VPS4B: variants seen among roughly 807,000 people sequenced by gnomAD.
The protein encoded by VPS4B is vacuolar protein sorting 4 homolog B.
A neutral mutation model predicts 56.1 loss-of-function variants in VPS4B; 23 were observed. That is an observed-to-expected ratio of 0.41 (90% CI 0.30 to 0.58). VPS4B has a LOEUF of 0.58. Ranked by LOEUF, VPS4B falls within the 20% of genes least tolerant of loss-of-function variation. The probability of loss-of-function intolerance (pLI) is 0.29; values close to 1 mark genes in which losing one functional copy is unlikely to be tolerated. For missense variants in VPS4B, 372 were observed against 531.9 expected (o/e 0.70, Z 2.96); for synonymous variants, 177 against 186.0 (o/e 0.95, Z 0.39).
chr18:63,420,447 AAAC>A (rs774177567), intron 1 of VPS4B, among the ~76,000 whole-genome samples: 11 of 152,062 alleles, frequency 7.2e-5, no homozygotes, highest in South Asian at 2.1e-4. Flanking sequence ...GACTGTCTCA[AAAC>A]AACAACAACA....
rs1440840356 is a variant in VPS4B at position 63,389,242 on chromosome 18, A to G, written c.*1733T>C. On this transcript the variant is annotated 3_prime_UTR_variant, in exon 11 of 11. Transcript: ENST00000238497. ...TGATTTCTTTGTATCTAACCAATTT[A>G]GGTAATATTTTCTTTTACACAGAAG... is the stretch of plus-strand genomic sequence containing the variant. 4 of 152,258 alleles carry G rather than the reference A, an allele frequency of 2.6e-5. No homozygotes were observed. Among genetic ancestry groups the G allele is most frequent in the African/African-American group, 7.2e-5 (3 of 41,466 alleles). 9.4% of individuals were successfully genotyped at this position (152,258 alleles called of 1,614,324 possible).
At chr18:63,395,019 T>A (rs1457908688) in intron 9 of VPS4B, among the ~76,000 whole-genome samples, 3 of 152,214 alleles carry the variant, frequency 2.0e-5, no homozygotes, top group African/African-American at 7.2e-5. Flanking sequence ...ACAGGGAATC[T>A]TCTTCTTGTT....
At position 63,403,701 on chromosome 18, in the gene VPS4B, T is replaced by G; in HGVS notation, c.484+6A>C. On this transcript the variant is annotated splice_donor_region_variant and intron_variant, in intron 5 of 10. Coordinates refer to ENST00000238497, the MANE Select transcript of VPS4B (RefSeq NM_004869.4). ...ATGAAATAAAATTATTTAAAAGTTATGTCACCTGTAAAAAGATGAGGAAAT... is the reference window on the plus strand; with the variant it reads ...ATGAAATAAAATTATTTAAAAGTTAGGTCACCTGTAAAAAGATGAGGAAAT... The G allele has an allele frequency of 6.3e-7, 1 of 1,599,288 alleles. No individual in the cohort carries two copies. Among genetic ancestry groups the G allele is most frequent in the Non-Finnish European group, 8.5e-7 (1 of 1,173,988 alleles).
chr18:63,413,691 G>C (rs547714901), intron 1 of VPS4B, among the ~76,000 whole-genome samples: 1 of 152,192 alleles, frequency 6.6e-6, no homozygotes, highest in East Asian at 1.9e-4. Context: ...AGTTGTTAGA[G>C]ATATTAAAAA....
chr18:63,412,091 C>G (rs1916057360), intron 1 of VPS4B, among the ~76,000 whole-genome samples: 1 of 152,116 alleles, frequency 6.6e-6, no homozygotes, highest in African/African-American at 2.4e-5. Context: ...CAGTAATTAA[C>G]TAAAAGGTTT....
Position 63,390,988 on chromosome 18 carries a change from C to A in VPS4B, c.1322G>T (p.Gly441Val). ...CTTGTCTTTGGCTTAGCCTTCTTGA[C>A]CAAAATCTTCTGTAAACTTCTTTAA... is the stretch of plus-strand genomic sequence containing the variant. ...LKLKKFTEDF[G>V]QEG The change falls in exon 11 of 11, where the codon GGT (glycine) becomes GTT (valine). Residue 441 changes from glycine (G) to valine (V), a missense_variant. Around this residue, in one of 3 missense-constraint regions of VPS4B, gnomAD observed 153 missense variants for 190.9 expected, o/e 0.80. Coordinates refer to ENST00000238497, the MANE Select transcript of VPS4B (RefSeq NM_004869.4). 6.2e-7 allele frequency: 1 copy of A among 1,611,816 alleles called. No individual in the cohort carries two copies. The highest frequency in any genetic ancestry group is 8.5e-7 in the Non-Finnish European group (1 of 1,178,396).
At chr18:63,415,227 C>T (rs1014555095) in intron 1 of VPS4B, 1 of 152,216 alleles carries the variant, frequency 6.6e-6, no homozygotes, top group Non-Finnish European at 1.5e-5. Context: ...TTAACCATGT[C>T]TTCTATGGTT....
chr18:63,421,037 C>CAAAAAAAAA (rs36083080), intron 1 of VPS4B, among the ~76,000 whole-genome samples: 1 of 52,030 alleles, frequency 1.9e-5, no homozygotes, highest in Non-Finnish European at 4.0e-5. Context: ...GACTCCGTCT[C>CAAAAAAAAA]AAAAAAAAAA....
intron 3 of VPS4B, 53 bp from the exon 4 acceptor site, chr18:63,407,552 G>T: frequency 1.4e-6 from 2 of 1,396,126 alleles, no homozygotes; most frequent in Admixed American, 2.3e-5. Context: ...TATCAAATAA[G>T]GCAAAAATGA....
At position 63,390,618 on chromosome 18, in the gene VPS4B, C is replaced by A. The variant is rs1031491601; in HGVS notation, c.*357G>T. Reference sequence around the variant, plus strand: ...TGAAAATATAAAATAAACCCTATATCATTTTAGTAAAAAAAAAAGAAAATA... The same window carrying A: ...TGAAAATATAAAATAAACCCTATATAATTTTAGTAAAAAAAAAAGAAAATA... On this transcript the variant is annotated 3_prime_UTR_variant, in exon 11 of 11. Transcript: ENST00000238497. The A allele has an allele frequency of 6.5e-6, 1 of 153,990 alleles. No homozygotes were observed. Among genetic ancestry groups the A allele is most frequent in the African/African-American group, 2.4e-5 (1 of 40,880 alleles). The allele number at this position is 153,990 out of a possible 1,614,324, so 9.5% of individuals were successfully genotyped here. A position where few individuals can be genotyped will look rare whatever the true frequency, so the allele number is the denominator to read the frequency against.
intron 1 of VPS4B, among the ~76,000 whole-genome samples, chr18:63,419,061 T>A (rs991142547): frequency 2.0e-5 from 3 of 152,170 alleles, no homozygotes; most frequent in African/African-American, 7.2e-5. Context: ...CTACCTGAGT[T>A]GGGTACTCAG....
chr18:63,407,575 C>A, intron 3 of VPS4B, 76 bp from the exon 4 acceptor site: 2 of 1,172,358 alleles, frequency 1.7e-6, no homozygotes, highest in Non-Finnish European at 2.4e-6. Flanking sequence ...GAAAAATTAA[C>A]CTGAAATATT....
rs1457947892 is a variant in VPS4B, at chr18:63,390,222, C to T, written c.*753G>A. 4 of 152,222 alleles carry T rather than the reference C, an allele frequency of 2.6e-5. No homozygotes were observed. Among genetic ancestry groups the T allele is most frequent in the African/African-American group, 4.8e-5 (2 of 41,384 alleles). 9.4% of individuals were successfully genotyped at this position (152,222 alleles called of 1,614,324 possible). On this transcript the variant is annotated 3_prime_UTR_variant, in exon 11 of 11. Transcript: ENST00000238497. ...CTGAGTAGCTGGGATTACAGACACT[C>T]GCCATCATGCCCAGCTAATTTTTGT...
At chr18:63,417,670 GT>G (rs200995526) in intron 1 of VPS4B, among the ~76,000 whole-genome samples, 2 of 150,496 alleles carry the variant, frequency 1.3e-5, no homozygotes, top group East Asian at 1.9e-4. Context: ...TGTTTTTTTT[GT>G]TTTTTTTTAA....
At chr18:63,422,182 G>A (rs368070460) in intron 1 of VPS4B, 51 bp downstream of exon 1, 10 of 1,430,774 alleles carry the variant, frequency 7.0e-6, no homozygotes, top group Middle Eastern at 1.8e-4. Context: ...CGCTTCTCGC[G>A]CCTCCCCTCG....
At position 63,410,409 on chromosome 18, in the gene VPS4B, C is replaced by T. The variant is rs1916013874; in HGVS notation, c.177G>A (p.Arg59=). 2 of 1,613,644 alleles carry T rather than the reference C, an allele frequency of 1.2e-6. No individual in the cohort carries two copies. The highest frequency in any genetic ancestry group is 1.1e-5 in the South Asian group (1 of 91,072). The change falls in exon 3 of 11, where the codon AGG becomes AGA. Residue 59 remains arginine (R), a synonymous_variant. Coordinates refer to ENST00000238497, the MANE Select transcript of VPS4B (RefSeq NM_004869.4). The part of the protein sequence containing the change: ...AQGDKAKQSI[R]AKCTEYLDRA... Reference sequence around the variant, plus strand: ...TATCAAGATATTCTGTACACTTTGCCCTGATACTTTGCTTGGCTTTATCAC... The same window carrying T: ...TATCAAGATATTCTGTACACTTTGCTCTGATACTTTGCTTGGCTTTATCAC...
chr18:63,411,240 C>T (rs1274270747), intron 2 of VPS4B, among the ~76,000 whole-genome samples: 1 of 152,198 alleles, frequency 6.6e-6, no homozygotes, highest in Non-Finnish European at 1.5e-5. Context: ...ACTGACTAGA[C>T]TACATTTTAA....
At chr18:63,397,902 G>C (rs1289478194) in intron 8 of VPS4B, among the ~76,000 whole-genome samples, 1 of 152,088 alleles carries the variant, frequency 6.6e-6, no homozygotes, top group Non-Finnish European at 1.5e-5. Flanking sequence ...CTAGAGATGG[G>C]TGCAGAATAA....
rs752055600 is a variant in VPS4B, at chr18:63,400,695, T to C, written c.493A>G (p.Thr165Ala). 6.3e-7 allele frequency: 1 copy of C among 1,598,184 alleles called. No individual in the cohort carries two copies. Among genetic ancestry groups the C allele is most frequent in the South Asian group, 1.1e-5 (1 of 87,208 alleles). ...KFPHLFTGKR[T>A]PWRGILLFGP... ...AATAATAGGATTCCCCTCCAAGGTG[T>C]TCTCTTGCCTAAAATTTAGATTTAG... The change falls in exon 6 of 11, where the codon ACA becomes GCA. Residue 165 changes from threonine (T) to alanine (A), a missense_variant. Physicochemically the swap from Thr to Ala is moderately conservative, Grantham distance 58. Transcript: ENST00000238497.
Sources: allele counts gnomAD v4.1 joint callset (sites outside exome capture counted in the v4.1 genomes callset), GRCh38; gene constraint gnomAD v4.1.1; regional missense constraint gnomAD v4.1.1; transcripts MANE v1.5; gene names NCBI Gene and HGNC (gene_info 2026-07-23, HGNC 2026-07-21).